GXYLT2: variants seen among roughly 807,000 people sequenced by gnomAD.
GXYLT2 encodes glycosyltransferase 8 domain containing 4.
GXYLT2 carries 53 observed loss-of-function variants against 45.8 expected under a neutral mutation model. The ratio of observed to expected loss-of-function variants is 1.16; its 90% CI spans 0.93 to 1.46. The LOEUF (loss-of-function observed/expected upper bound fraction) is 1.46. Among genes scored for constraint, GXYLT2 ranks in the 40% most tolerant of loss-of-function variants. The pLI, the probability that GXYLT2 is intolerant of heterozygous loss-of-function variation, is 0.00. For synonymous variants in GXYLT2, 219 were observed against 214.2 expected, an observed-to-expected ratio of 1.02 and a Z score of -0.19; for missense variants, 551 against 544.4, an observed-to-expected ratio of 1.01 and a Z score of -0.12.
chr3:72,910,724 T>G (rs935731828), intron 2 of GXYLT2, among the ~76,000 whole-genome samples: 2 of 152,228 alleles, frequency 1.3e-5, no homozygotes, highest in Non-Finnish European at 2.9e-5. Context: ...GGAAAGAGAC[T>G]AGAGAGTCAT....
chr3:72,965,927 T>C (rs1421723921), intron 5 of GXYLT2, among the ~76,000 whole-genome samples: 1 of 152,180 alleles, frequency 6.6e-6, no homozygotes, highest in African/African-American at 2.4e-5. Context: ...TTTTTTTTCT[T>C]TGCTTTTTGC....
chr3:72,956,914 CAGGA>C (rs1332455058), intron 4 of GXYLT2, among the ~76,000 whole-genome samples: 1 of 92,074 alleles, frequency 1.1e-5, no homozygotes, highest in African/African-American at 4.5e-5. Flanking sequence ...AACAAAAACA[CAGGA>C]AGGAAGGGAG....
intron 2 of GXYLT2, among the ~76,000 whole-genome samples, chr3:72,920,808 A>G (rs1321139056): frequency 1.4e-5 from 2 of 144,082 alleles, no homozygotes; most frequent in Non-Finnish European, 3.0e-5. Context: ...GCATATATAT[A>G]TATATATGTA....
chr3:72,960,390 A>G (rs1710745890), intron 5 of GXYLT2, among the ~76,000 whole-genome samples: 1 of 152,238 alleles, frequency 6.6e-6, no homozygotes, highest in Non-Finnish European at 1.5e-5. Context: ...GTGAGTAAAT[A>G]AATAATACCC....
chr3:72,893,068 A>G (rs898202160), intron 1 of GXYLT2, among the ~76,000 whole-genome samples: 1 of 151,994 alleles, frequency 6.6e-6, no homozygotes, highest in African/African-American at 2.4e-5. Context: ...TCTACAGTCC[A>G]TTTTCCTTAC....
chr3:72,962,871 G>A (rs1175894022), intron 5 of GXYLT2, among the ~76,000 whole-genome samples: 1 of 151,928 alleles, frequency 6.6e-6, no homozygotes, highest in Non-Finnish European at 1.5e-5. Context: ...CTCAAAAAAA[G>A]TAATTGCCTT....
intron 1 of GXYLT2, among the ~76,000 whole-genome samples, chr3:72,894,241 G>A (rs568298247): frequency 5.9e-5 from 9 of 152,286 alleles, no homozygotes; most frequent in Admixed American, 2.6e-4. Context: ...GAGGTCTAAC[G>A]TTTCTTGGGC....
chr3:72,909,479 C>T (rs866833514), intron 2 of GXYLT2, among the ~76,000 whole-genome samples: 3 of 151,972 alleles, frequency 2.0e-5, no homozygotes, highest in Non-Finnish European at 2.9e-5. Flanking sequence ...ATTTCTTTTA[C>T]GAAAATCAGG....
rs139312768 is a variant in GXYLT2 at position 72,966,288 on chromosome 3, G to T, written c.977-1259G>T. ...GCCACTGTACCCAGCCGAAGGTGGG[G>T]GTTTTTGCTGTTTTTTTTTTTTTCT... On this transcript the variant is annotated intron_variant, in intron 5 of 6. Coordinates refer to ENST00000389617, the MANE Select transcript of GXYLT2 (RefSeq NM_001080393.2). 1.4e-3 allele frequency among the ~76,000 whole-genome samples: 174 copies of T among 128,676 alleles called. 2 individuals are homozygous for T. The highest frequency in any genetic ancestry group is 4.3e-3 in the African/African-American group (165 of 38,182). The allele number at this position is 128,676 out of a possible 152,430, so 84.4% of individuals were successfully genotyped here.
intron 5 of GXYLT2, among the ~76,000 whole-genome samples, chr3:72,961,274 G>A (rs1710762976): frequency 1.3e-5 from 2 of 152,168 alleles, no homozygotes; most frequent in African/African-American, 2.4e-5. Context: ...GGAACCAAAA[G>A]AGAATTCTAT....
chr3:72,968,799 T>C (rs7616146), intron 6 of GXYLT2, among the ~76,000 whole-genome samples: 1 of 152,020 alleles, frequency 6.6e-6, no homozygotes, highest in Admixed American at 6.5e-5. Context: ...CAGTGGCTCA[T>C]GCCTGTAATC....
rs1402153930 is a variant in GXYLT2 at position 72,907,423 on chromosome 3, C to T, written c.276-944C>T. Among the ~76,000 whole-genome samples, 5 of 152,172 alleles carry T rather than the reference C, an allele frequency of 3.3e-5. No individual in the cohort carries two copies. In the South Asian group the frequency reaches 8.3e-4, roughly 25 times the overall value. ...TGGAAGGAAGGTAGCATTTGACATCCAAGTTCCCCTGGTCTCCAAATCTTT... is the reference window on the plus strand; with the variant it reads ...TGGAAGGAAGGTAGCATTTGACATCTAAGTTCCCCTGGTCTCCAAATCTTT... On this transcript the variant is annotated intron_variant, in intron 1 of 6. Coordinates refer to ENST00000389617, the MANE Select transcript of GXYLT2 (RefSeq NM_001080393.2).
chr3:72,909,036 CCTTTT>C (rs1709564525), intron 2 of GXYLT2, among the ~76,000 whole-genome samples: 2 of 144,114 alleles, frequency 1.4e-5, no homozygotes, highest in South Asian at 4.6e-4. Context: ...CCCGTTTTTT[CCTTTT>C]CTTTCTTTCT....
chr3:72,962,081 T>C (rs1710782020), intron 5 of GXYLT2, among the ~76,000 whole-genome samples: 1 of 152,180 alleles, frequency 6.6e-6, no homozygotes, highest in Non-Finnish European at 1.5e-5. Context: ...GAGGGCCTTA[T>C]TCTCATCCTG....
At chr3:72,966,693 G>A (rs1257212735) in intron 5 of GXYLT2, among the ~76,000 whole-genome samples, 3 of 151,172 alleles carry the variant, frequency 2.0e-5, no homozygotes, top group East Asian at 3.9e-4. Context: ...GTAGTGGTGC[G>A]ATCTTGGATC....
At chr3:72,903,558 G>C (rs1709446691) in intron 1 of GXYLT2, among the ~76,000 whole-genome samples, 1 of 152,110 alleles carries the variant, frequency 6.6e-6, no homozygotes, top group Non-Finnish European at 1.5e-5. Flanking sequence ...AAGACCCATG[G>C]AATCAGAATC....
chr3:72,926,769 C>T (rs1235759920), intron 3 of GXYLT2, among the ~76,000 whole-genome samples: 1 of 152,082 alleles, frequency 6.6e-6, no homozygotes, highest in Non-Finnish European at 1.5e-5. Context: ...GATTGCAGAA[C>T]CTTTAGAGAC....
chr3:72,945,026 G>A (rs1437960084), intron 3 of GXYLT2, among the ~76,000 whole-genome samples: 1 of 151,262 alleles, frequency 6.6e-6, no homozygotes, highest in African/African-American at 2.4e-5. Context: ...CTTAGAACCT[G>A]TCCTTCTCTT....
intron 1 of GXYLT2, among the ~76,000 whole-genome samples, chr3:72,907,058 A>C (rs1709525463): frequency 6.6e-6 from 1 of 152,218 alleles, no homozygotes; most frequent in Non-Finnish European, 1.5e-5. Context: ...GGGCTGTCTC[A>C]GTGATCCAAG....
Sources: allele counts gnomAD v4.1 joint callset (sites outside exome capture counted in the v4.1 genomes callset), GRCh38; gene constraint gnomAD v4.1.1; transcripts MANE v1.5; gene names NCBI Gene and HGNC (gene_info 2026-07-23, HGNC 2026-07-21).